Variants in UPF2 observed in about 807,000 individuals in gnomAD.
UPF2 encodes regulator of nonsense transcripts 2.
In UPF2, 17 loss-of-function variants were observed where a neutral mutation model predicts 141.4. The ratio of observed to expected loss-of-function variants is 0.12; its 90% CI spans 0.08 to 0.18. The LOEUF (loss-of-function observed/expected upper bound fraction) is 0.18, where lower values mean the gene tolerates loss of function less well. Ranked by LOEUF, UPF2 falls within the 10% of genes least tolerant of loss-of-function variation. UPF2 has a pLI of 1.00. For synonymous variants in UPF2, 540 were observed against 498.0 expected (o/e 1.08, Z -1.12); for missense variants, 1,152 against 1,515.9 (o/e 0.76, Z 3.99).
intron 11 of UPF2, among the ~76,000 whole-genome samples, chr10:11,961,492 G>A (rs1833240455): frequency 6.6e-6 from 1 of 151,976 alleles, no homozygotes. Flanking sequence ...TCCTAGTAGG[G>A]AGCAGCAGAA....
chr10:11,985,621 C>CA (rs1254604523), intron 8 of UPF2, among the ~76,000 whole-genome samples: 924 of 82,488 alleles, frequency 0.011, 8 homozygotes, highest in Non-Finnish European at 0.017. Context: ...AGTCCGTCTC[C>CA]AAAAAAAAAA....
intron 5 of UPF2, among the ~76,000 whole-genome samples, chr10:12,003,019 G>A (rs1258997237): frequency 6.6e-6 from 1 of 152,084 alleles, no homozygotes; most frequent in Non-Finnish European, 1.5e-5. Flanking sequence ...TCTTATTTGG[G>A]AGGATGAAAA....
chr10:12,016,180 A>G lies in UPF2; in HGVS notation c.1146-1996T>C, dbSNP rs112689871. ...AAAACTTTTAATCAGAAGTTCTAAT[A>G]GAACTCATTTTGGAAGTGAAAAGTC... is the stretch of plus-strand genomic sequence containing the variant. On this transcript the variant is annotated intron_variant, in intron 3 of 21. Transcript: ENST00000357604. This position sits in a 1 kb window ranked among gnomAD's most constrained non-coding sequence, Gnocchi z 4.1. 2.2e-3 allele frequency among the ~76,000 whole-genome samples: 332 copies of G among 152,266 alleles called. No homozygotes were observed. The highest frequency in any genetic ancestry group is 7.6e-3 in the African/African-American group (317 of 41,588).
rs58106776 is a variant in UPF2 at position 11,938,853 on chromosome 10, G to GTTTTTTTTTTTTTTTTTTTTTTTTTT, written c.3379-2167_3379-2142dup. Among the ~76,000 whole-genome samples, 16 of 79,828 alleles carry GTTTTTTTTTTTTTTTTTTTTTTTTTT rather than the reference G, an allele frequency of 2.0e-4. 2 individuals are homozygous for GTTTTTTTTTTTTTTTTTTTTTTTTTT. The highest frequency in any genetic ancestry group is 3.6e-4 in the East Asian group (1 of 2,812). The allele number at this position is 79,828 out of a possible 152,430, so 52.4% of individuals were successfully genotyped here. ...GTGGTCTTAAGCAAGTTTTTTTTTT[G>GTTTTTTTTTTTTTTTTTTTTTTTTTT]TTTTTTTTTTTTTTTTTTTTTTTTT... On this transcript the variant is annotated intron_variant, in intron 18 of 21. Coordinates refer to ENST00000357604, the MANE Select transcript of UPF2 (RefSeq NM_015542.4).
chr10:11,938,984 T>C (rs1832902067), intron 18 of UPF2, among the ~76,000 whole-genome samples: 1 of 148,716 alleles, frequency 6.7e-6, no homozygotes, highest in East Asian at 2.0e-4. Context: ...GCGATTATCC[T>C]GTCTCAGCCT....
Position 11,936,720 on chromosome 10 carries a change from A to C in UPF2, c.3379-8T>G, listed in dbSNP as rs1832855973. 6.2e-7 allele frequency: 1 copy of C among 1,600,572 alleles called. No homozygotes were observed. The highest frequency in any genetic ancestry group is 1.3e-5 in the African/African-American group (1 of 74,440). The stretch of plus-strand genomic sequence containing the variant: ...AGATTCACCACTTCGTTGCTAAAAG[A>C]AATTAAAAAGGACATAATAAACACT... On this transcript the variant is annotated splice_region_variant and splice_polypyrimidine_tract_variant and intron_variant, in intron 18 of 21. Transcript: ENST00000357604. This position sits in a 1 kb window ranked among gnomAD's most constrained non-coding sequence, Gnocchi z 6.6.
At chr10:11,938,801 G>C (rs539038159) in intron 18 of UPF2, among the ~76,000 whole-genome samples, 18 of 138,214 alleles carry the variant, frequency 1.3e-4, no homozygotes, top group Admixed American at 1.1e-3. Context: ...AAACAGTTGA[G>C]AACAAACTCC....
At chr10:12,021,766 T>C (rs1834321481) in intron 3 of UPF2, among the ~76,000 whole-genome samples, 1 of 152,192 alleles carries the variant, frequency 6.6e-6, no homozygotes, top group Admixed American at 6.6e-5. Flanking sequence ...AGAATGATCA[T>C]GAAGAAGACC....
intron 15 of UPF2, 131 bp from the exon 16 acceptor site, chr10:11,948,639 G>T: frequency 9.3e-7 from 1 of 1,073,194 alleles, no homozygotes; most frequent in Non-Finnish European, 1.3e-6. Context: ...AAAGGTAAAA[G>T]AATTAAAAAC....
At chr10:12,024,900 C>G (rs563847493) in intron 3 of UPF2, among the ~76,000 whole-genome samples, 3 of 126,738 alleles carry the variant, frequency 2.4e-5, no homozygotes, top group Non-Finnish European at 4.8e-5. Context: ...CACGACTGCA[C>G]TCTAGCCCAG....
Position 12,019,302 on chromosome 10 carries a change from T to A in UPF2, c.1146-5118A>T, listed in dbSNP as rs1834276726. On this transcript the variant is annotated intron_variant, in intron 3 of 21. Coordinates refer to ENST00000357604, the MANE Select transcript of UPF2 (RefSeq NM_015542.4). This position sits in a 1 kb window ranked among gnomAD's most constrained non-coding sequence, Gnocchi z 4.5. ...TGTAAACAAATGAGGGTGACTGTAA[T>A]AAAATGTTATTTATGAACACTGAAA... Among the ~76,000 whole-genome samples, 1 of 152,226 alleles carries A rather than the reference T, an allele frequency of 6.6e-6. No homozygotes were observed. Among genetic ancestry groups the A allele is most frequent in the Non-Finnish European group, 1.5e-5 (1 of 68,040 alleles).
chr10:12,038,376 T>TCTCACTCA (rs200377104), intron 1 of UPF2, among the ~76,000 whole-genome samples: 2 of 95,638 alleles, frequency 2.1e-5, no homozygotes, highest in Non-Finnish European at 4.6e-5. Flanking sequence ...TGAGACTCCA[T>TCTCACTCA]CTCACACACA....
At chr10:11,981,699 G>A (rs748500094) in intron 8 of UPF2, among the ~76,000 whole-genome samples, 14 of 144,266 alleles carry the variant, frequency 9.7e-5, no homozygotes, top group Non-Finnish European at 1.7e-4. Flanking sequence ...TTTTTTTTCT[G>A]AGACGGAGTC....
chr10:11,930,468 G>A (rs1283626746), intron 20 of UPF2, among the ~76,000 whole-genome samples: 1 of 152,198 alleles, frequency 6.6e-6, no homozygotes, highest in Non-Finnish European at 1.5e-5. Context: ...AGCACCCAGT[G>A]TTAGCTATTA....
At chr10:11,994,554 T>C (rs984698109) in intron 8 of UPF2, among the ~76,000 whole-genome samples, 1 of 152,224 alleles carries the variant, frequency 6.6e-6, no homozygotes, top group African/African-American at 2.4e-5. Flanking sequence ...TTCTGGATTT[T>C]GAGCTATAGA....
chr10:11,973,961 T>C (rs765526871), intron 9 of UPF2, among the ~76,000 whole-genome samples: 16 of 152,222 alleles, frequency 1.1e-4, no homozygotes, highest in Non-Finnish European at 4.4e-5. Context: ...ACTGAATCTA[T>C]CAATTACCTT....
At chr10:11,970,866 TA>T (rs1379477226) in intron 9 of UPF2, among the ~76,000 whole-genome samples, 1 of 151,562 alleles carries the variant, frequency 6.6e-6, no homozygotes, top group Non-Finnish European at 1.5e-5. Context: ...ACTAAGTCTT[TA>T]GGGTCAGTAG....
intron 19 of UPF2, among the ~76,000 whole-genome samples, chr10:11,933,241 G>A (rs145466055): frequency 1.4e-4 from 21 of 152,212 alleles, no homozygotes; most frequent in Middle Eastern, 3.4e-3. Context: ...TAGAAAAACC[G>A]TTGCACCAGA....
At chr10:11,981,919 T>C (rs942765764) in intron 8 of UPF2, among the ~76,000 whole-genome samples, 61 of 152,286 alleles carry the variant, frequency 4.0e-4, no homozygotes, top group African/African-American at 1.5e-3. Flanking sequence ...CTCCTGACCT[T>C]GTGATCCATC....
Sources: allele counts gnomAD v4.1 joint callset (sites outside exome capture counted in the v4.1 genomes callset), GRCh38; gene constraint gnomAD v4.1.1; non-coding constraint Gnocchi (gnomAD v3.1); transcripts MANE v1.5; gene names NCBI Gene and HGNC (gene_info 2026-07-23, HGNC 2026-07-21).